The following LAMA2 variants were observed in gnomAD, a reference collection of about 807,000 sequenced individuals.
LAMA2 encodes the protein laminin subunit alpha-2.
In LAMA2, 269 loss-of-function variants were observed where a neutral mutation model predicts 364.8. The ratio of observed to expected loss-of-function variants is 0.74; its 90% CI spans 0.67 to 0.82. The LOEUF (loss-of-function observed/expected upper bound fraction) is 0.82. Ranked by LOEUF, LAMA2 falls within the 40% of genes least tolerant of loss-of-function variation. The pLI, the probability that LAMA2 is intolerant of heterozygous loss-of-function variation, is 0.00. For missense variants in LAMA2, 3,807 were observed against 3,873.2 expected (o/e 0.98, Z 0.45); for synonymous variants, 1,379 against 1,370.6 (o/e 1.01, Z -0.14).
chr6:129,187,862 G>A (rs1193740875), intron 10 of LAMA2, among the ~76,000 whole-genome samples: 2 of 151,432 alleles, frequency 1.3e-5, no homozygotes, highest in East Asian at 3.9e-4. Context: ...TTCTGATTAG[G>A]GATGCTCAAC....
At chr6:129,134,242 G>A (rs541865650) in intron 4 of LAMA2, among the ~76,000 whole-genome samples, 1 of 152,266 alleles carries the variant, frequency 6.6e-6, no homozygotes, top group Non-Finnish European at 1.5e-5. Flanking sequence ...GGGAGATCAT[G>A]TTATTTCACA....
At chr6:129,384,749 G>C (rs1447808045) in intron 35 of LAMA2, among the ~76,000 whole-genome samples, 1 of 151,976 alleles carries the variant, frequency 6.6e-6, no homozygotes, top group Non-Finnish European at 1.5e-5. Flanking sequence ...ACCAGAGAAA[G>C]GATTACCCAT....
intron 3 of LAMA2, among the ~76,000 whole-genome samples, chr6:129,089,884 C>T (rs1197600791): frequency 6.6e-6 from 1 of 152,100 alleles, no homozygotes; most frequent in Non-Finnish European, 1.5e-5. Context: ...ATTGTGAGAC[C>T]TTATGGGCCA....
intron 1 of LAMA2, among the ~76,000 whole-genome samples, chr6:129,045,374 A>T (rs1344679063): frequency 6.6e-6 from 1 of 152,202 alleles, no homozygotes; most frequent in Non-Finnish European, 1.5e-5. Flanking sequence ...GATTTAAATA[A>T]GCTTTACCAA....
At chr6:129,471,474 T>C (rs2114820617) in intron 51 of LAMA2, among the ~76,000 whole-genome samples, 1 of 152,024 alleles carries the variant, frequency 6.6e-6, no homozygotes. Context: ...CTCCAGTCAC[T>C]GGCTTGCCTG....
chr6:128,975,378 A>G (rs1782464028), intron 1 of LAMA2, among the ~76,000 whole-genome samples: 2 of 152,128 alleles, frequency 1.3e-5, no homozygotes, highest in South Asian at 4.1e-4. Context: ...AGGTGGATGG[A>G]CCATGATATT....
In LAMA2 at chr6:129,418,860, AATTT is replaced by A. The variant is rs776930650; in HGVS notation, c.5866-8883_5866-8880del. 6.4e-4 allele frequency among the ~76,000 whole-genome samples: 98 copies of A among 152,224 alleles called. 1 individual carries two copies. The highest frequency in any genetic ancestry group is 1.1e-3 in the Non-Finnish European group (76 of 68,022). On this transcript the variant is annotated intron_variant, in intron 40 of 64. Transcript: ENST00000421865. The stretch of plus-strand genomic sequence containing the variant: ...CCAAAGTTTATAACTTAATTTTCAG[AATTT>A]ATTTATTTTAATTGACAGATAAAAG...
intron 1 of LAMA2, among the ~76,000 whole-genome samples, chr6:128,891,270 A>G (rs370209800): frequency 2.3e-4 from 35 of 152,264 alleles, no homozygotes; most frequent in African/African-American, 8.2e-4. Context: ...CAGTAGCTAT[A>G]CTGTTAAAAT....
chr6:129,266,155 A>G (rs567294421), intron 15 of LAMA2, among the ~76,000 whole-genome samples: 26 of 152,220 alleles, frequency 1.7e-4, no homozygotes, highest in African/African-American at 6.0e-4. Flanking sequence ...ACCATCCAGA[A>G]ATATAGTAAA....
At position 129,314,795 on chromosome 6, in the gene LAMA2, G is replaced by A. The variant is rs1409242643; in HGVS notation, c.3552G>A (p.Thr1184=). 6.2e-7 allele frequency: 1 copy of A among 1,614,042 alleles called. No homozygotes were observed. The highest frequency in any genetic ancestry group is 1.1e-5 in the South Asian group (1 of 91,074). ...QCSEAKGLIR[T]WVTLKAEQTI... is the part of the protein sequence containing the mutation. ...CTGAAGCAAAAGGACTGATCCGGACGTGGGTGAGTAGGGAACTGCTGAGCC... is the reference window on the plus strand; with the variant it reads ...CTGAAGCAAAAGGACTGATCCGGACATGGGTGAGTAGGGAACTGCTGAGCC... The change falls in exon 24 of 65, where the codon ACG becomes ACA. Residue 1184 remains threonine (T), a synonymous_variant. Coordinates refer to ENST00000421865, the MANE Select transcript of LAMA2 (RefSeq NM_000426.4).
intron 10 of LAMA2, among the ~76,000 whole-genome samples, chr6:129,183,223 A>G (rs932624024): frequency 1.3e-5 from 2 of 152,046 alleles, no homozygotes; most frequent in East Asian, 3.9e-4. Context: ...GACTCTCAGT[A>G]TTTGTTTATT....
At chr6:129,200,093 CACGTGTATAT>C (rs1203260730) in intron 12 of LAMA2, among the ~76,000 whole-genome samples, 2 of 138,588 alleles carry the variant, frequency 1.4e-5, no homozygotes, top group African/African-American at 5.4e-5. Flanking sequence ...TATATATATA[CACGTGTATAT>C]GTGTACACGT....
rs1778262486 is a variant in LAMA2 at position 129,143,778 on chromosome 6, C to T, written c.640-123C>T. On this transcript the variant is annotated intron_variant, in intron 4 of 64. Transcript: ENST00000421865. Reference sequence around the variant, plus strand: ...CTAGATGCCAGTGCATAGGCATGTACCTGAATCTGCGTAACTAATTGGGAG... The same window carrying T: ...CTAGATGCCAGTGCATAGGCATGTATCTGAATCTGCGTAACTAATTGGGAG... 1.4e-5 allele frequency: 10 copies of T among 713,022 alleles called. 1 individual carries two copies. The highest frequency in any genetic ancestry group is 7.5e-4 in the Middle Eastern group (2 of 2,652). 44.2% of individuals were successfully genotyped at this position (713,022 alleles called of 1,614,324 possible). A position where few individuals can be genotyped will look rare whatever the true frequency, so the allele number is the denominator to read the frequency against.
intron 12 of LAMA2, among the ~76,000 whole-genome samples, chr6:129,231,125 T>A (rs764831822): frequency 6.6e-6 from 1 of 152,108 alleles, no homozygotes; most frequent in Non-Finnish European, 1.5e-5. Context: ...AGAATGGAAT[T>A]TTTTTCTATA....
rs201119913 is a variant in LAMA2 at position 129,177,891 on chromosome 6, C to T, written c.1467+25C>T. 2.0e-4 allele frequency: 327 copies of T among 1,607,466 alleles called. 1 individual carries two copies. The highest frequency in any genetic ancestry group is 3.3e-4 in the Middle Eastern group (2 of 6,032). On this transcript the variant is annotated intron_variant, in intron 10 of 64. Coordinates refer to ENST00000421865, the MANE Select transcript of LAMA2 (RefSeq NM_000426.4). ...GGTACATTGTTTATTCCAGTAATGT[C>T]CCACTGTCAAGACAGAAGGTTATTT...
chr6:129,132,388 G>A (rs1446166301), intron 4 of LAMA2, among the ~76,000 whole-genome samples: 2 of 151,998 alleles, frequency 1.3e-5, no homozygotes, highest in African/African-American at 4.8e-5. Context: ...GGATGGTCTC[G>A]ATCTCCTGAC....
chr6:128,953,242 C>T (rs1411254502), intron 1 of LAMA2, among the ~76,000 whole-genome samples: 1 of 152,112 alleles, frequency 6.6e-6, no homozygotes, highest in African/African-American at 2.4e-5. Flanking sequence ...TAATTGAGTA[C>T]CTTTCAATTG....
intron 1 of LAMA2, among the ~76,000 whole-genome samples, chr6:128,973,835 TG>T (rs1782352337): frequency 1.3e-5 from 2 of 152,286 alleles, no homozygotes; most frequent in South Asian, 4.1e-4. Flanking sequence ...TAAGTAACTA[TG>T]GCAACTCACT....
intron 1 of LAMA2, among the ~76,000 whole-genome samples, chr6:128,893,959 T>G (rs1776620047): frequency 6.6e-6 from 1 of 152,128 alleles, no homozygotes; most frequent in East Asian, 1.9e-4. Context: ...TAGTTTAAAT[T>G]ATTTTGGTTT....
Sources: gnomAD v4.1 joint callset for allele counts (sites outside exome capture counted in the v4.1 genomes callset) on GRCh38, gnomAD v4.1.1 for gene constraint, MANE v1.5 for transcripts, NCBI Gene and HGNC (gene_info 2026-07-23, HGNC 2026-07-21) for gene names.